Variants in ROCK2 observed in about 807,000 individuals in gnomAD.
ROCK2 encodes Rho associated coiled-coil containing protein kinase 2, also known as rho-associated protein kinase 2.
A neutral mutation model predicts 195.1 loss-of-function variants in ROCK2; 61 were observed. That is an observed-to-expected ratio of 0.31 (90% CI 0.25 to 0.39). ROCK2 has a LOEUF of 0.39. ROCK2 is among the 10% of genes least tolerant of loss of function. The probability of loss-of-function intolerance (pLI) is 1.00; values close to 1 mark genes in which losing one functional copy is unlikely to be tolerated. For synonymous variants in ROCK2, 504 were observed against 545.5 expected (o/e 0.92, Z 1.06); for missense variants, 1,109 against 1,637.4 (o/e 0.68, Z 5.57).
intron 3 of ROCK2, among the ~76,000 whole-genome samples, chr2:11,253,628 A>G (rs529685570): frequency 6.6e-6 from 1 of 152,250 alleles, no homozygotes; most frequent in Non-Finnish European, 1.5e-5. Context: ...GGGATTATGC[A>G]TGCCTATTTT....
At chr2:11,320,760 G>A (rs1338449508) in intron 1 of ROCK2, among the ~76,000 whole-genome samples, 1 of 152,168 alleles carries the variant, frequency 6.6e-6, no homozygotes, top group East Asian at 1.9e-4. Flanking sequence ...AAAACAAAGT[G>A]AGCCCTATCA....
intron 1 of ROCK2, among the ~76,000 whole-genome samples, chr2:11,324,858 C>T (rs939803591): frequency 6.6e-6 from 1 of 152,150 alleles, no homozygotes; most frequent in Non-Finnish European, 1.5e-5. Flanking sequence ...GTCTCAAGTG[C>T]TTATTATTTA....
intron 13 of ROCK2, 52 bp downstream of exon 13, chr2:11,216,106 A>G (rs1215126363): frequency 1.4e-6 from 2 of 1,420,892 alleles, no homozygotes; most frequent in East Asian, 2.3e-5. Flanking sequence ...TAAGTCAGAC[A>G]TCAAAGATTT....
At chr2:11,306,718 A>C (rs1411002529) in intron 1 of ROCK2, among the ~76,000 whole-genome samples, 4 of 152,248 alleles carry the variant, frequency 2.6e-5, no homozygotes, top group Admixed American at 2.0e-4. Context: ...ATTTCAACAA[A>C]TATGTCTACA....
chr2:11,277,487 T>A (rs923662198), intron 3 of ROCK2, among the ~76,000 whole-genome samples: 1 of 152,144 alleles, frequency 6.6e-6, no homozygotes, highest in African/African-American at 2.4e-5. Flanking sequence ...ACCCCTCCAA[T>A]CATTCCCCTC....
intron 1 of ROCK2, among the ~76,000 whole-genome samples, chr2:11,338,749 A>C (rs979395637): frequency 6.6e-6 from 1 of 152,202 alleles, no homozygotes. Context: ...ATATAACAGA[A>C]GACAATTCAA....
intron 1 of ROCK2, among the ~76,000 whole-genome samples, chr2:11,341,412 T>C (rs1269612851): frequency 6.6e-6 from 1 of 152,208 alleles, no homozygotes; most frequent in Admixed American, 6.5e-5. Flanking sequence ...ACATGCTAAG[T>C]GTGCACAGGA....
intron 3 of ROCK2, among the ~76,000 whole-genome samples, chr2:11,273,724 G>A (rs1269272172): frequency 6.6e-6 from 1 of 152,048 alleles, no homozygotes; most frequent in Non-Finnish European, 1.5e-5. Flanking sequence ...CAGATCATAT[G>A]TCAGGCCACA....
intron 1 of ROCK2, among the ~76,000 whole-genome samples, chr2:11,305,371 G>A (rs187593630): frequency 3.3e-5 from 5 of 151,932 alleles, no homozygotes; most frequent in East Asian, 1.9e-4. Flanking sequence ...GCGAGACTCC[G>A]TCTCAAAAAT....
intron 1 of ROCK2, among the ~76,000 whole-genome samples, chr2:11,336,964 C>A (rs1051080565): frequency 1.3e-5 from 2 of 152,258 alleles, no homozygotes; most frequent in East Asian, 3.9e-4. Flanking sequence ...GATATGGGGC[C>A]AGGCATGGCG....
At position 11,203,373 on chromosome 2, in the gene ROCK2, G is replaced by A. The variant is rs562423633; in HGVS notation, c.2550-1252C>T. On this transcript the variant is annotated intron_variant, in intron 20 of 32. Coordinates refer to ENST00000315872, the MANE Select transcript of ROCK2 (RefSeq NM_004850.5). ...TATTTGTTCAGATATATAGATAAAGGCACAGAAAACAGTCTGGAAGGAGAA... is the reference window on the plus strand; with the variant it reads ...TATTTGTTCAGATATATAGATAAAGACACAGAAAACAGTCTGGAAGGAGAA... Among the ~76,000 whole-genome samples the A allele has an allele frequency of 7.9e-5, 12 of 152,150 alleles. No homozygotes were observed. The South Asian group carries it at 1.9e-3, about 24-fold the overall frequency.
intron 3 of ROCK2, among the ~76,000 whole-genome samples, chr2:11,262,602 C>T (rs76484417): frequency 0.023 from 3,517 of 152,190 alleles, 57 homozygotes; most frequent in East Asian, 0.057. Context: ...GGGGAGTTTT[C>T]CTGCACAAGC....
At chr2:11,209,037 T>C (rs762967346) in intron 18 of ROCK2, among the ~76,000 whole-genome samples, 8 of 152,248 alleles carry the variant, frequency 5.3e-5, no homozygotes, top group Non-Finnish European at 1.0e-4. Flanking sequence ...TTCTACAAGA[T>C]GCTTACATCT....
intron 32 of ROCK2, among the ~76,000 whole-genome samples, chr2:11,190,264 T>C (rs1439997009): frequency 6.6e-6 from 1 of 151,658 alleles, no homozygotes; most frequent in African/African-American, 2.4e-5. Context: ...TACATGCAGA[T>C]ATGAGGGAAA....
chr2:11,188,724 C>T (rs988944141), intron 32 of ROCK2, among the ~76,000 whole-genome samples: 2 of 149,920 alleles, frequency 1.3e-5, no homozygotes, highest in Non-Finnish European at 3.0e-5. Context: ...CCCGGGTTCA[C>T]GCCATTCTCC....
chr2:11,254,228 G>A (rs920896151), intron 3 of ROCK2, among the ~76,000 whole-genome samples: 3 of 152,068 alleles, frequency 2.0e-5, no homozygotes, highest in African/African-American at 7.2e-5. Flanking sequence ...TTCAGGTTTC[G>A]TAAAATAAAC....
At chr2:11,215,686 A>ATC in intron 13 of ROCK2, 41 bp from the exon 14 acceptor site, 1 of 1,524,674 alleles carries the variant, frequency 6.6e-7, no homozygotes, top group East Asian at 2.3e-5. Context: ...AAGTATGTAT[A>ATC]AAAATGAAAT....
At chr2:11,278,485 C>G (rs1666899507) in intron 3 of ROCK2, among the ~76,000 whole-genome samples, 1 of 152,180 alleles carries the variant, frequency 6.6e-6, no homozygotes, top group Admixed American at 6.5e-5. Context: ...TAGGTTGATT[C>G]CATATCTTGG....
At chr2:11,330,331 T>A (rs1209529564) in intron 1 of ROCK2, among the ~76,000 whole-genome samples, 1 of 152,232 alleles carries the variant, frequency 6.6e-6, no homozygotes, top group African/African-American at 2.4e-5. Flanking sequence ...TATTGAATTG[T>A]GCCTTGGCCA....
Sources: allele counts gnomAD v4.1 joint callset (sites outside exome capture counted in the v4.1 genomes callset), GRCh38; gene constraint gnomAD v4.1.1; transcripts MANE v1.5; gene names NCBI Gene and HGNC (gene_info 2026-07-23, HGNC 2026-07-21).